Variants in FBXO47 observed in about 807,000 individuals in gnomAD.
The protein encoded by FBXO47 is F-box protein 47.
Under a neutral mutation model 53.9 loss-of-function variants are expected in FBXO47, and 34 were observed. That is an observed-to-expected ratio of 0.63 (90% CI 0.48 to 0.84). The LOEUF is 0.84. Among genes scored for constraint, FBXO47 ranks in the 40% least tolerant of loss-of-function variants. FBXO47 has a pLI of 0.00. For synonymous variants in FBXO47, 165 were observed against 181.6 expected (o/e 0.91, Z 0.73); for missense variants, 485 against 541.3 (o/e 0.90, Z 1.03).
In FBXO47 at chr17:38,946,343, A is replaced by AATATATAAATATATATAAATATATAAAT. The variant is rs1390647005; in HGVS notation, c.617-1208_617-1207insATTTATATATTTATATATATTTATATAT. 9.5e-5 allele frequency among the ~76,000 whole-genome samples: 5 copies of AATATATAAATATATATAAATATATAAAT among 52,656 alleles called. No homozygotes were observed. The Admixed American group carries it at 1.6e-3, about 17-fold the overall frequency. The allele number at this position is 52,656 out of a possible 152,430, so 34.5% of individuals were successfully genotyped here. On this transcript the variant is annotated intron_variant, in intron 6 of 10. Coordinates refer to ENST00000378079, the MANE Select transcript of FBXO47 (RefSeq NM_001008777.3). ...ATATATAAATATATAAATATATATA[A>AATATATAAATATATATAAATATATAAAT]ATATATAAATATATATAAATATATA...
At chr17:38,960,045 G>A (rs1316756656) in intron 3 of FBXO47, among the ~76,000 whole-genome samples, 4 of 151,244 alleles carry the variant, frequency 2.6e-5, no homozygotes, top group African/African-American at 7.3e-5. Flanking sequence ...GGGCTCAAGC[G>A]ATCCTCCCAC....
intron 7 of FBXO47, among the ~76,000 whole-genome samples, chr17:38,944,728 G>T (rs1276674598): frequency 6.6e-6 from 1 of 150,910 alleles, no homozygotes; most frequent in African/African-American, 2.4e-5. Context: ...AAAATTAGCT[G>T]GTTGTGGTTG....
chr17:38,944,989 A>T lies in FBXO47; in HGVS notation c.764T>A (p.Ile255Asn). 6.2e-7 allele frequency: 1 copy of T among 1,613,990 alleles called. No individual in the cohort carries two copies. Among genetic ancestry groups the T allele is most frequent in the Non-Finnish European group, 8.5e-7 (1 of 1,179,958 alleles). The change falls in exon 7 of 11, where the codon ATC (isoleucine) becomes AAC (asparagine). Residue 255 changes from isoleucine (I) to asparagine (N), a missense_variant. By Grantham distance (149) the Ile-to-Asn change is moderately radical (BLOSUM62 -3). Coordinates refer to ENST00000378079, the MANE Select transcript of FBXO47 (RefSeq NM_001008777.3). ...PMVNQARLLY[I>N]IFGPISPQDG... ...TTGAGGAGATATTGGCCCAAAGATG[A>T]TATACAGTAATCTTGCCTGATTCAC...
intron 9 of FBXO47, among the ~76,000 whole-genome samples, chr17:38,940,512 A>G (rs965703760): frequency 4.0e-5 from 6 of 151,766 alleles, no homozygotes; most frequent in East Asian, 1.9e-4. Flanking sequence ...CTCTCCCTTC[A>G]TGTCTAACCT....
intron 6 of FBXO47, among the ~76,000 whole-genome samples, chr17:38,947,698 A>G (rs984328556): frequency 6.6e-6 from 1 of 152,126 alleles, no homozygotes; most frequent in African/African-American, 2.4e-5. Context: ...TCATGAGGTC[A>G]GGAGATTGAG....
At chr17:38,940,779 G>T (rs772883939) in intron 9 of FBXO47, among the ~76,000 whole-genome samples, 25 of 151,702 alleles carry the variant, frequency 1.6e-4, no homozygotes, top group Admixed American at 1.1e-3. Context: ...GGGCTCAAGT[G>T]ATCCTCCTGC....
chr17:38,939,831 C>T (rs1904430022), intron 9 of FBXO47, among the ~76,000 whole-genome samples: 2 of 150,242 alleles, frequency 1.3e-5, no homozygotes, highest in Admixed American at 6.6e-5. Context: ...CCGCGCCCGG[C>T]TAATTTTTTG....
Position 38,944,992 on chromosome 17 carries a change from T to C in FBXO47, c.761A>G (p.Tyr254Cys), listed in dbSNP as rs762481927. ...WPMVNQARLL[Y>C]IIFGPISPQD... ...AGGAGATATTGGCCCAAAGATGATATACAGTAATCTTGCCTGATTCACCAT... is the reference window on the plus strand; with the variant it reads ...AGGAGATATTGGCCCAAAGATGATACACAGTAATCTTGCCTGATTCACCAT... The change falls in exon 7 of 11, where the codon TAT (tyrosine) becomes TGT (cysteine). Residue 254 changes from tyrosine to cysteine, a missense_variant. Tyr to Cys is a radical substitution (Grantham distance 194). Coordinates refer to ENST00000378079, the MANE Select transcript of FBXO47 (RefSeq NM_001008777.3). 3 of 1,613,870 alleles carry C rather than the reference T, an allele frequency of 1.9e-6. No individual in the cohort carries two copies. Among genetic ancestry groups the C allele is most frequent in the Non-Finnish European group, 1.7e-6 (2 of 1,179,868 alleles).
chr17:38,964,738 C>A (rs1281144588), intron 1 of FBXO47, among the ~76,000 whole-genome samples: 1 of 152,158 alleles, frequency 6.6e-6, no homozygotes, highest in African/African-American at 2.4e-5. Context: ...AGGGCCTACG[C>A]ATCTTGATTT....
At chr17:38,940,175 A>G (rs1462389145) in intron 9 of FBXO47, among the ~76,000 whole-genome samples, 1 of 151,976 alleles carries the variant, frequency 6.6e-6, no homozygotes. Context: ...AAGAGCTTGC[A>G]GTCTATTTTG....
At chr17:38,959,579 C>CAAAAA (rs749435702) in intron 3 of FBXO47, among the ~76,000 whole-genome samples, 11 of 27,854 alleles carry the variant, frequency 3.9e-4, no homozygotes, top group African/African-American at 8.9e-4. Context: ...GACTCTGCCT[C>CAAAAA]AAAAAAAAAA....
rs530738344 is a variant in FBXO47 at position 38,960,048 on chromosome 17, C to T, written c.352+1829G>A. The stretch of plus-strand genomic sequence containing the variant: ...TCTTGAACTCCTGGGCTCAAGCGAT[C>T]CTCCCACCTCAGCTTTCCAAAGTGC... On this transcript the variant is annotated intron_variant, in intron 3 of 10. Coordinates refer to ENST00000378079, the MANE Select transcript of FBXO47 (RefSeq NM_001008777.3). Among the ~76,000 whole-genome samples, 22 of 152,086 alleles carry T rather than the reference C, an allele frequency of 1.4e-4. No individual in the cohort carries two copies. In the South Asian group the frequency reaches 3.9e-3, roughly 27 times the overall value.
chr17:38,946,817 A>AACATATAAATATATATAG, intron 6 of FBXO47, among the ~76,000 whole-genome samples: 1 of 80,574 alleles, frequency 1.2e-5, no homozygotes, highest in Non-Finnish European at 2.1e-5. Context: ...AACATATATA[A>AACATATAAATATATATAG]ATATATAAAT....
chr17:38,943,481 A>G, intron 8 of FBXO47, 109 bp downstream of exon 8: 1 of 644,626 alleles, frequency 1.6e-6, no homozygotes, highest in Non-Finnish European at 2.4e-6. Flanking sequence ...GCATTCAGTG[A>G]TTTCCAACAG....
At chr17:38,954,732 T>G in intron 5 of FBXO47, 124 bp downstream of exon 5, 1 of 552,878 alleles carries the variant, frequency 1.8e-6, no homozygotes, top group Non-Finnish European at 3.1e-6. Context: ...CTCAAATCTT[T>G]ATTTTATTTT....
At chr17:38,955,733 G>A (rs1268415057) in intron 4 of FBXO47, among the ~76,000 whole-genome samples, 3 of 151,910 alleles carry the variant, frequency 2.0e-5, no homozygotes, top group Non-Finnish European at 4.4e-5. Flanking sequence ...GCCGAGGTGG[G>A]AGGATCACGA....
At chr17:38,946,055 T>A (rs1318009754) in intron 6 of FBXO47, among the ~76,000 whole-genome samples, 1 of 127,232 alleles carries the variant, frequency 7.9e-6, no homozygotes, top group Non-Finnish European at 1.6e-5. Context: ...ATAAAATATA[T>A]AAATACATAA....
intron 3 of FBXO47, among the ~76,000 whole-genome samples, chr17:38,961,232 C>T (rs17730966): frequency 0.17 from 25,370 of 152,032 alleles, 2,398 homozygotes; most frequent in Middle Eastern, 0.34. Context: ...GGTTTTATTG[C>T]CATGCTTTGA....
At chr17:38,959,579 CAAAAAAAAA>C (rs749435702) in intron 3 of FBXO47, among the ~76,000 whole-genome samples, 3 of 27,854 alleles carry the variant, frequency 1.1e-4, no homozygotes, top group Non-Finnish European at 2.4e-4. Flanking sequence ...GACTCTGCCT[CAAAAAAAAA>C]AAAAAAAAAA....
Sources: gnomAD v4.1 joint callset for allele counts (sites outside exome capture counted in the v4.1 genomes callset) on GRCh38, gnomAD v4.1.1 for gene constraint, MANE v1.5 for transcripts, NCBI Gene and HGNC (gene_info 2026-07-23, HGNC 2026-07-21) for gene names.